GSN: variants seen among roughly 807,000 people sequenced by gnomAD.
The protein encoded by GSN is gelsolin.
Under a neutral mutation model 85.7 loss-of-function variants are expected in GSN, and 56 were observed. That is an observed-to-expected ratio of 0.65 (90% CI 0.53 to 0.82). GSN has a LOEUF of 0.82. GSN is among the 40% of genes least tolerant of loss of function. GSN has a pLI of 0.00. For synonymous variants in GSN, 373 were observed against 399.1 expected, an observed-to-expected ratio of 0.93 and a Z score of 0.78; for missense variants, 857 against 979.8, an observed-to-expected ratio of 0.87 and a Z score of 1.67.
intron 2 of GSN, chr9:121,300,193 C>A: frequency 9.0e-7 from 1 of 1,107,240 alleles, no homozygotes; most frequent in South Asian, 1.2e-5. Context: ...GGGGCCCTGG[C>A]TGTTCCTTCC....
upstream of GSN, among the ~76,000 whole-genome samples, chr9:121,204,353 C>G (rs114801820): frequency 5.9e-3 from 896 of 152,302 alleles, 10 homozygotes; most frequent in African/African-American, 0.02. Flanking sequence ...CTTATTTGCT[C>G]TTGTTTCACA....
Position 121,318,907 on chromosome 9 carries a change from G to T in GSN, c.1191+27G>T, listed in dbSNP as rs779090031. ...TACGTTTAGGGCGTGGGGTGGGTGT[G>T]TCCAGGCCCCTCCCTCACTTTCCCC... On this transcript the variant is annotated intron_variant, in intron 10 of 17. Transcript: ENST00000432226. The surrounding 1 kb of genome is among the most constrained non-coding windows in gnomAD (Gnocchi z 4.3). The T allele has an allele frequency of 5.8e-6, 9 of 1,550,938 alleles. No individual in the cohort carries two copies. The highest frequency in any genetic ancestry group is 7.1e-6 in the Non-Finnish European group (8 of 1,123,144).
At position 121,299,176 on chromosome 9, in the gene GSN, T is replaced by C. The variant is rs1452142470; in HGVS notation, c.-9-2787T>C. 9 of 297,026 alleles carry C rather than the reference T, an allele frequency of 3.0e-5. No individual in the cohort carries two copies. The highest frequency in any genetic ancestry group is 6.5e-5 in the Admixed American group (1 of 15,484). 18.4% of individuals were successfully genotyped at this position (297,026 alleles called of 1,614,324 possible). ...AATAAGACTTTTAAAAAACAAACAC[T>C]TTTTAAAAAGAAGGAAAGAAAAGTA... On this transcript the variant is annotated intron_variant, in intron 2 of 17. Transcript: ENST00000432226. The surrounding 1 kb of genome is among the most constrained non-coding windows in gnomAD (Gnocchi z 4.2).
the GSN span, chr9:121,201,732 G>C: frequency 6.5e-6 from 1 of 152,786 alleles, no homozygotes; most frequent in African/African-American, 2.4e-5. Context: ...GAGGGGGCGG[G>C]GGCGGTCGAC....
chr9:121,281,655 C>T (rs183402344), intron 2 of GSN, 93 bp downstream of exon 2: 156 of 471,172 alleles, frequency 3.3e-4, no homozygotes, highest in African/African-American at 2.7e-3. Context: ...TGGAAGCAGC[C>T]GCTGTAGCCA....
chr9:121,332,415 C>T lies in GSN; in HGVS notation c.2027-19C>T. 1 of 1,612,868 alleles carries T rather than the reference C, an allele frequency of 6.2e-7. No homozygotes were observed. Among genetic ancestry groups the T allele is most frequent in the Non-Finnish European group, 8.5e-7 (1 of 1,178,818 alleles). Reference sequence around the variant, plus strand: ...CTAAGAATTCCTGGGGTTTCCTTTTCTTGCACGTGTGTCTGCAGCTAAGCG... The same window carrying T: ...CTAAGAATTCCTGGGGTTTCCTTTTTTTGCACGTGTGTCTGCAGCTAAGCG... On this transcript the variant is annotated intron_variant, in intron 17 of 17. Transcript: ENST00000432226. The surrounding 1 kb of genome is among the most constrained non-coding windows in gnomAD (Gnocchi z 4.8).
chr9:121,241,097 TAGAA>T (rs1217455329), intron 5 of GSN, among the ~76,000 whole-genome samples: 1 of 152,166 alleles, frequency 6.6e-6, no homozygotes, highest in South Asian at 2.1e-4. Context: ...ACAGATCAAT[TAGAA>T]AGAAAGCATA....
rs747809104 is a variant in GSN, at chr9:121,281,528, G to A, written c.-44G>A. 1.1e-4 allele frequency: 45 copies of A among 416,258 alleles called. No homozygotes were observed. The highest frequency in any genetic ancestry group is 8.3e-4 in the African/African-American group (40 of 48,274). The allele number at this position is 416,258 out of a possible 1,614,324, so 25.8% of individuals were successfully genotyped here. A position where few individuals can be genotyped will look rare whatever the true frequency, so the allele number is the denominator to read the frequency against. On this transcript the variant is annotated 5_prime_UTR_variant, in exon 2 of 18. Coordinates refer to ENST00000432226, the MANE Select transcript of GSN (RefSeq NM_198252.3). ...GGCCTTGGTCCCAGCGCCTTCCCAC[G>A]GAGCAGCACTCTTCACCCTGCACAG...
chr9:121,328,530 C>G (rs1024141521), intron 14 of GSN, among the ~76,000 whole-genome samples: 4 of 152,180 alleles, frequency 2.6e-5, no homozygotes, highest in Non-Finnish European at 4.4e-5. Context: ...AGATTTGTAT[C>G]CTGGTCTTAA....
Position 121,332,699 on chromosome 9 carries a change from AGTGTGTGTGT to A in GSN, c.*107_*116del. 1.4e-6 allele frequency: 1 copy of A among 707,142 alleles called. No homozygotes were observed. Among genetic ancestry groups the A allele is most frequent in the Non-Finnish European group, 2.3e-6 (1 of 430,214 alleles). The allele number at this position is 707,142 out of a possible 1,614,324, so 43.8% of individuals were successfully genotyped here. A position where few individuals can be genotyped will look rare whatever the true frequency, so the allele number is the denominator to read the frequency against. On this transcript the variant is annotated 3_prime_UTR_variant, in exon 18 of 18. Coordinates refer to ENST00000432226, the MANE Select transcript of GSN (RefSeq NM_198252.3). The surrounding 1 kb of genome is among the most constrained non-coding windows in gnomAD (Gnocchi z 4.8). ...GAGCGAGCAGAGCAGCTCTGCTATGAGTGTGTGTGTGTGTGTGTGTTGTTTCTTTTTTTTT... is the reference window on the plus strand; with the variant it reads ...GAGCGAGCAGAGCAGCTCTGCTATGAGTGTGTGTGTTGTTTCTTTTTTTTT...
intron 11 of GSN, among the ~76,000 whole-genome samples, chr9:121,323,340 T>TTACC (rs2062725298): frequency 6.6e-6 from 1 of 151,322 alleles, no homozygotes; most frequent in Non-Finnish European, 1.5e-5. Context: ...TCTATAGGCT[T>TTACC]TACCTAAATT....
chr9:121,327,570 C>T (rs1564597261), intron 14 of GSN, 88 bp downstream of exon 14: 1 of 1,098,638 alleles, frequency 9.1e-7, no homozygotes, highest in Non-Finnish European at 1.3e-6. Context: ...GCTCTAAATC[C>T]TCCCCTCCAT....
chr9:121,302,091 G>T lies in GSN; in HGVS notation c.120G>T (p.Thr40=). The T allele has an allele frequency of 6.2e-7, 1 of 1,614,214 alleles. No homozygotes were observed. The highest frequency in any genetic ancestry group is 2.2e-5 in the East Asian group (1 of 44,884). The part of the protein sequence containing the change: ...VPTNLYGDFF[T]GDAYVILKTV... Reference sequence around the variant, plus strand: ...CCAACCTTTATGGAGACTTCTTCACGGGCGACGCCTACGTCATCCTGAAGA... The same window carrying T: ...CCAACCTTTATGGAGACTTCTTCACTGGCGACGCCTACGTCATCCTGAAGA... The change falls in exon 3 of 18, where the codon ACG becomes ACT. Residue 40 remains threonine (T), a synonymous_variant. Coordinates refer to ENST00000432226, the MANE Select transcript of GSN (RefSeq NM_198252.3).
At chr9:121,305,093 A>G (rs1033562197) in intron 4 of GSN, among the ~76,000 whole-genome samples, 1 of 152,210 alleles carries the variant, frequency 6.6e-6, no homozygotes, top group African/African-American at 2.4e-5. Flanking sequence ...GAGAGTTCTC[A>G]TATACACAGA....
At chr9:121,307,978 TTGTGACTGCAGC>T (rs1341642775) in intron 4 of GSN, among the ~76,000 whole-genome samples, 1 of 152,236 alleles carries the variant, frequency 6.6e-6, no homozygotes, top group Non-Finnish European at 1.5e-5. Context: ...GTGACTGCAG[TTGTGACTGCAGC>T]TGGTCAGTCC....
chr9:121,233,144 C>T (rs575027852), intron 5 of GSN, among the ~76,000 whole-genome samples: 1 of 152,240 alleles, frequency 6.6e-6, no homozygotes, highest in South Asian at 2.1e-4. Context: ...CCTCTTCCTC[C>T]CTCTTGGAGC....
chr9:121,276,799 G>T (rs2056734306), intron 1 of GSN, among the ~76,000 whole-genome samples: 1 of 152,106 alleles, frequency 6.6e-6, no homozygotes, highest in Non-Finnish European at 1.5e-5. Flanking sequence ...TAGTGGGGTG[G>T]GAGGAGGGGG....
rs1463797252 is a variant in GSN at position 121,249,472 on chromosome 9, G to A, written c.-341+1149G>A. Among the ~76,000 whole-genome samples, 6 of 152,084 alleles carry A rather than the reference G, an allele frequency of 3.9e-5. No individual in the cohort carries two copies. In the East Asian group the frequency reaches 9.6e-4, roughly 24 times the overall value. ...AGCCTGGGCGACAGCCTGAGACCCT[G>A]TCTCAATAAATAAATAAATAAGATG... On this transcript the variant is annotated intron_variant, in intron 6 of 24. Coordinates refer to the GSN transcript ENST00000373823.
At chr9:121,250,202 C>CTTTTT (rs542805619) in intron 6 of GSN, among the ~76,000 whole-genome samples, 3 of 127,556 alleles carry the variant, frequency 2.4e-5, no homozygotes, top group African/African-American at 3.4e-5. Flanking sequence ...AGATCCTTCT[C>CTTTTT]TTTTTTTTTT....
Sources: gnomAD v4.1 joint callset for allele counts (sites outside exome capture counted in the v4.1 genomes callset) on GRCh38, gnomAD v4.1.1 for gene constraint, Gnocchi (gnomAD v3.1) non-coding constraint, MANE v1.5 for transcripts, NCBI Gene and HGNC (gene_info 2026-07-23, HGNC 2026-07-21) for gene names.